Variants in KIFC3 observed in about 807,000 individuals in gnomAD.
KIFC3 encodes the protein kinesin family member C3.
Under a neutral mutation model 101.8 loss-of-function variants are expected in KIFC3, and 60 were observed. The ratio of observed to expected loss-of-function variants is 0.59; its 90% confidence interval spans 0.48 to 0.73. The LOEUF (loss-of-function observed/expected upper bound fraction) is 0.73. Ranked by LOEUF, KIFC3 falls within the 30% of genes least tolerant of loss-of-function variation. The pLI, the probability that KIFC3 is intolerant of heterozygous loss-of-function variation, is 0.00. For missense variants in KIFC3, 966 were observed against 1,137.1 expected, an observed-to-expected ratio of 0.85 and a Z score of 2.16; for synonymous variants, 476 against 482.7, an observed-to-expected ratio of 0.99 and a Z score of 0.18.
In KIFC3 at chr16:57,771,297, G is replaced by A; in HGVS notation, c.666C>T (p.Cys222=). 6.2e-7 allele frequency: 1 copy of A among 1,613,530 alleles called. No individual in the cohort carries two copies. The highest frequency in any genetic ancestry group is 1.1e-5 in the South Asian group (1 of 91,088). Residue 222 remains cysteine (C), a synonymous_variant, in exon 6 of 20, where the codon TGC becomes TGT. Coordinates refer to ENST00000445690, the MANE Select transcript of KIFC3 (RefSeq NM_001130100.2). ...CCTCCTCCTGTGCCTTCTCAGCCAG[G>A]CAGTCCTTGAGTCGCAGCTCCACCT... ...LAEVELRLKD[C]LAEKAQEEER...
chr16:57,789,083 T>C (rs74022045), intron 3 of KIFC3, among the ~76,000 whole-genome samples: 18,330 of 152,208 alleles, frequency 0.12, 1,325 homozygotes, highest in African/African-American at 0.19. Context: ...AACCGTCCAG[T>C]CCCACCACAC....
intron 1 of KIFC3, among the ~76,000 whole-genome samples, chr16:57,850,465 GTTT>G (rs373157438): frequency 0.072 from 5,963 of 83,364 alleles, 34 homozygotes; most frequent in South Asian, 0.11. Context: ...TTTAAAAAGG[GTTT>G]TTTTTTTTTT....
intron 1 of KIFC3, among the ~76,000 whole-genome samples, chr16:57,836,212 T>C (rs543210141): frequency 3.9e-5 from 6 of 152,208 alleles, no homozygotes; most frequent in Non-Finnish European, 8.8e-5. Context: ...CTTCCTGGGG[T>C]CTAGCGATCC....
rs1231307239 is a variant in KIFC3, at chr16:57,758,643, C to T, written c.*291G>A. 2.9e-6 allele frequency: 2 copies of T among 700,836 alleles called. No homozygotes were observed. Among genetic ancestry groups the T allele is most frequent in the Non-Finnish European group, 2.6e-6 (1 of 384,792 alleles). The allele number at this position is 700,836 out of a possible 1,614,324, so 43.4% of individuals were successfully genotyped here. ...ACACTCCCGCCCTCCTCACGGGGCC[C>T]AGTTCGCTGATGGCCCAGGCCTGCC... On this transcript the variant is annotated 3_prime_UTR_variant, in exon 20 of 20. Coordinates refer to ENST00000445690, the MANE Select transcript of KIFC3 (RefSeq NM_001130100.2).
chr16:57,848,929 C>T (rs756167244), intron 1 of KIFC3, among the ~76,000 whole-genome samples: 3 of 152,152 alleles, frequency 2.0e-5, no homozygotes, highest in Non-Finnish European at 2.9e-5. Context: ...TTTATGAGAA[C>T]ATTTCTATGA....
At chr16:57,764,121 C>G in intron 12 of KIFC3, 22 bp downstream of exon 12, 1 of 1,561,734 alleles carries the variant, frequency 6.4e-7, no homozygotes, top group Non-Finnish European at 8.8e-7. Context: ...TGTGAACCCC[C>G]ACCCCATTGG....
chr16:57,830,923 T>C (rs1376681054), intron 1 of KIFC3, among the ~76,000 whole-genome samples: 4 of 152,310 alleles, frequency 2.6e-5, no homozygotes, highest in East Asian at 1.9e-4. Context: ...CAGCCTCTTT[T>C]TCCCCCCAGG....
chr16:57,839,982 C>G (rs1380560081), intron 1 of KIFC3, among the ~76,000 whole-genome samples: 9 of 152,154 alleles, frequency 5.9e-5, no homozygotes, highest in Admixed American at 3.9e-4. Flanking sequence ...ATTGTCCCCT[C>G]GCTGGCCCAT....
chr16:57,833,664 C>T (rs1555479793), intron 1 of KIFC3, among the ~76,000 whole-genome samples: 1 of 152,106 alleles, frequency 6.6e-6, no homozygotes, highest in Non-Finnish European at 1.5e-5. Context: ...GGCCCCTACT[C>T]CCGACTTTGG....
intron 1 of KIFC3, among the ~76,000 whole-genome samples, chr16:57,840,164 C>T (rs1215520193): frequency 6.6e-6 from 1 of 151,930 alleles, no homozygotes; most frequent in Non-Finnish European, 1.5e-5. Flanking sequence ...ATAGCAAAAC[C>T]TCGTCTCTAC....
In KIFC3 at chr16:57,760,427, C is replaced by A. The variant is rs372324997; in HGVS notation, c.2233-11G>T. ...CTCCACGGGGGACACCTAGGGGACA[C>A]GAGAGCTCACTGCCCACCCGGGCCA... is the stretch of plus-strand genomic sequence containing the variant. On this transcript the variant is annotated splice_polypyrimidine_tract_variant and intron_variant, in intron 16 of 19. Coordinates refer to ENST00000445690, the MANE Select transcript of KIFC3 (RefSeq NM_001130100.2). 1.9e-6 allele frequency: 3 copies of A among 1,610,526 alleles called. No homozygotes were observed. The highest frequency in any genetic ancestry group is 2.7e-5 in the African/African-American group (2 of 74,884).
At chr16:57,841,385 G>T (rs1413037491) in intron 1 of KIFC3, among the ~76,000 whole-genome samples, 3 of 152,202 alleles carry the variant, frequency 2.0e-5, no homozygotes, top group Non-Finnish European at 4.4e-5. Context: ...TGAAACCCAG[G>T]CCAGGCGCAG....
chr16:57,775,450 T>C, intron 3 of KIFC3: 1 of 1,006,066 alleles, frequency 9.9e-7, no homozygotes, highest in Non-Finnish European at 1.2e-6. Context: ...GTAGGGAAGA[T>C]GTCTGCTTTC....
chr16:57,773,670 A>G (rs1431098576), intron 3 of KIFC3: 6 of 152,166 alleles, frequency 3.9e-5, no homozygotes, highest in African/African-American at 1.4e-4. Context: ...ATAAAAATAG[A>G]GGCTTAGAGT....
chr16:57,812,881 A>T (rs113939122), intron 1 of KIFC3, among the ~76,000 whole-genome samples: 4 of 152,284 alleles, frequency 2.6e-5, no homozygotes, highest in African/African-American at 9.6e-5. Context: ...GTTGTGGGGC[A>T]CAGGCAGATG....
intron 1 of KIFC3, among the ~76,000 whole-genome samples, chr16:57,860,316 G>C (rs2056277689): frequency 1.3e-5 from 2 of 152,090 alleles, no homozygotes; most frequent in African/African-American, 4.8e-5. Context: ...AGCTGGGCAT[G>C]GTGGCACATG....
At chr16:57,810,036 G>A (rs1345122256) in intron 1 of KIFC3, among the ~76,000 whole-genome samples, 3 of 152,108 alleles carry the variant, frequency 2.0e-5, no homozygotes, top group Non-Finnish European at 1.5e-5. Context: ...GAGATCTTCT[G>A]AGGTCAGTCC....
At position 57,759,580 on chromosome 16, in the gene KIFC3, G is replaced by C. The variant is rs533217000; in HGVS notation, c.2476+148C>G. 665 of 622,070 alleles carry C rather than the reference G, an allele frequency of 1.1e-3. 1 individual carries two copies. The highest frequency in any genetic ancestry group is 1.6e-3 in the Non-Finnish European group (559 of 352,918). The allele number at this position is 622,070 out of a possible 1,614,324, so 38.5% of individuals were successfully genotyped here. ...CACTGTCTGCCCTGACTACTGCCTG[G>C]GGGCAGGGGAGGTTGTAAAACAGGT... On this transcript the variant is annotated intron_variant, in intron 18 of 19. Transcript: ENST00000445690.
intron 3 of KIFC3, among the ~76,000 whole-genome samples, chr16:57,787,280 T>C (rs1466923748): frequency 5.3e-5 from 8 of 151,830 alleles, no homozygotes; most frequent in Admixed American, 4.6e-4. Context: ...CTAGGAGAAA[T>C]GGGGACAAGG....
Sources: allele counts gnomAD v4.1 joint callset (sites outside exome capture counted in the v4.1 genomes callset), GRCh38; gene constraint gnomAD v4.1.1; transcripts MANE v1.5; gene names NCBI Gene and HGNC (gene_info 2026-07-23, HGNC 2026-07-21).